NRG1: variants seen among roughly 807,000 people sequenced by gnomAD.
NRG1 encodes the protein pro-neuregulin-1, membrane-bound isoform.
A neutral mutation model predicts 63.8 loss-of-function variants in NRG1; 18 were observed. The ratio of observed to expected loss-of-function variants is 0.28; its 90% CI spans 0.19 to 0.42. NRG1 has a LOEUF of 0.42. Ranked by LOEUF, NRG1 falls within the 10% of genes least tolerant of loss-of-function variation. The probability of loss-of-function intolerance (pLI) is 1.00; values close to 1 mark genes in which losing one functional copy is unlikely to be tolerated. For synonymous variants in NRG1, 302 were observed against 301.3 expected (o/e 1.00, Z -0.02); for missense variants, 762 against 814.7 (o/e 0.94, Z 0.79).
At chr8:31,787,075 C>A (rs548281444) in intron 1 of NRG1, among the ~76,000 whole-genome samples, 33 of 152,246 alleles carry the variant, frequency 2.2e-4, no homozygotes, top group Admixed American at 1.4e-3. Flanking sequence ...CATTGGCATA[C>A]AAAATACATA....
At chr8:31,639,673 G>A in intron 1 of NRG1, 1 of 1,397,406 alleles carries the variant, frequency 7.2e-7, no homozygotes, top group Non-Finnish European at 9.2e-7. Context: ...GCGCGGCGGC[G>A]GCGCGGGGGG....
chr8:31,760,335 G>A (rs889818480), intron 1 of NRG1, among the ~76,000 whole-genome samples: 18 of 152,086 alleles, frequency 1.2e-4, no homozygotes, highest in Non-Finnish European at 1.5e-5. Flanking sequence ...GTTTTTCTCA[G>A]GTTTGTCGAA....
chr8:31,834,517 G>A (rs1825515818), intron 1 of NRG1, among the ~76,000 whole-genome samples: 1 of 152,008 alleles, frequency 6.6e-6, no homozygotes, highest in Non-Finnish European at 1.5e-5. Context: ...GACCAGCCTG[G>A]GCATCAACAC....
chr8:32,566,214 G>A (rs76126400), intron 1 of NRG1, among the ~76,000 whole-genome samples: 31,165 of 151,666 alleles, frequency 0.21, 3,891 homozygotes, highest in Admixed American at 0.33. Flanking sequence ...AAAATTAGCC[G>A]GGCCTGGTGG....
intron 1 of NRG1, among the ~76,000 whole-genome samples, chr8:32,109,811 T>C (rs1044708368): frequency 6.6e-6 from 1 of 152,190 alleles, no homozygotes; most frequent in African/African-American, 2.4e-5. Flanking sequence ...AATCACCAAA[T>C]CATTACATCA....
At position 31,910,415 on chromosome 8, in the gene NRG1, A is replaced by T. The variant is rs193269223; in HGVS notation, c.37+270984A>T. Among the ~76,000 whole-genome samples the T allele has an allele frequency of 3.0e-3, 464 of 152,330 alleles. 4 individuals carry two copies. The highest frequency in any genetic ancestry group is 0.01 in the African/African-American group (421 of 41,582). The stretch of plus-strand genomic sequence containing the variant: ...CAACAATAAACTATCAAAGAGTTTT[A>T]AGCAGGGCTATGAGTTTATCTGACA... On this transcript the variant is annotated intron_variant, in intron 1 of 10. Transcript: ENST00000519301.
At chr8:32,331,033 G>A (rs1409622444) in intron 1 of NRG1, among the ~76,000 whole-genome samples, 1 of 151,854 alleles carries the variant, frequency 6.6e-6, no homozygotes, top group Non-Finnish European at 1.5e-5. Flanking sequence ...GTTTCTATTA[G>A]TCCTCCTTTT....
At chr8:32,748,801 C>A in intron 7 of NRG1, 1 of 440,610 alleles carries the variant, frequency 2.3e-6, no homozygotes, top group South Asian at 1.6e-5. Context: ...AAAAGTGAGG[C>A]GTAGAATTGT....
chr8:32,665,875 C>G (rs908562573), intron 5 of NRG1, among the ~76,000 whole-genome samples: 5 of 152,130 alleles, frequency 3.3e-5, no homozygotes, highest in Admixed American at 2.6e-4. Context: ...GAAAATACTT[C>G]TAGTGATTAA....
At chr8:32,697,997 A>G (rs1465495207) in intron 5 of NRG1, among the ~76,000 whole-genome samples, 1 of 152,106 alleles carries the variant, frequency 6.6e-6, no homozygotes, top group Non-Finnish European at 1.5e-5. Flanking sequence ...CACGAGGTCA[A>G]GAGATCGTGA....
chr8:31,926,803 C>G (rs1834393973), intron 1 of NRG1, among the ~76,000 whole-genome samples: 1 of 152,026 alleles, frequency 6.6e-6, no homozygotes, highest in Non-Finnish European at 1.5e-5. Flanking sequence ...AGACTCTCAT[C>G]TTTGGTGTCT....
rs144159372 is a variant in NRG1 at position 32,224,370 on chromosome 8, C to A, written c.38-371458C>A. Among the ~76,000 whole-genome samples the A allele has an allele frequency of 1.0e-3, 158 of 152,204 alleles. 4 individuals carry two copies. The East Asian group carries it at 0.028, about 27-fold the overall frequency. On this transcript the variant is annotated intron_variant, in intron 1 of 10. Coordinates refer to the NRG1 transcript ENST00000519301. ...GATCCAGCCCCTGTGAGATTGCATC[C>A]TCTTAGACTGAATGCCTAGGAGTCT...
intron 1 of NRG1, among the ~76,000 whole-genome samples, chr8:32,208,258 T>C (rs537440259): frequency 7.9e-5 from 12 of 151,832 alleles, no homozygotes; most frequent in African/African-American, 2.7e-4. Flanking sequence ...CTCTCAAACA[T>C]TGCTGGTGGG....
intron 1 of NRG1, among the ~76,000 whole-genome samples, chr8:32,184,524 A>G (rs1841771911): frequency 6.6e-6 from 1 of 152,078 alleles, no homozygotes; most frequent in African/African-American, 2.4e-5. Context: ...AGGGATTTTG[A>G]TAGACATGAT....
intron 1 of NRG1, among the ~76,000 whole-genome samples, chr8:32,436,716 G>T (rs1818837523): frequency 6.6e-6 from 1 of 152,124 alleles, no homozygotes; most frequent in Admixed American, 6.6e-5. Context: ...CCATGTGAAT[G>T]AACATAGAAC....
intron 1 of NRG1, among the ~76,000 whole-genome samples, chr8:32,259,403 T>C (rs963565439): frequency 4.7e-4 from 72 of 152,204 alleles, no homozygotes; most frequent in African/African-American, 1.7e-3. Context: ...AGCATAAATT[T>C]CACCCCCGTC....
chr8:31,958,435 A>G (rs1005522778), intron 1 of NRG1, among the ~76,000 whole-genome samples: 7 of 152,278 alleles, frequency 4.6e-5, no homozygotes, highest in African/African-American at 1.7e-4. Context: ...AATTCTTCCC[A>G]TTGTGTGGCT....
chr8:32,422,331 T>A (rs1816794489), intron 1 of NRG1, among the ~76,000 whole-genome samples: 1 of 152,182 alleles, frequency 6.6e-6, no homozygotes, highest in Non-Finnish European at 1.5e-5. Context: ...TCTAACATAC[T>A]CCTCACAAAA....
intron 1 of NRG1, among the ~76,000 whole-genome samples, chr8:32,152,124 T>G (rs528927820): frequency 6.6e-6 from 1 of 152,364 alleles, no homozygotes; most frequent in East Asian, 1.9e-4. Context: ...CATGTATTGT[T>G]CAGCTATTCC....
Sources: gnomAD v4.1 joint callset for allele counts (sites outside exome capture counted in the v4.1 genomes callset) on GRCh38, gnomAD v4.1.1 for gene constraint, MANE v1.5 for transcripts, NCBI Gene and HGNC (gene_info 2026-07-23, HGNC 2026-07-21) for gene names.